Variants in CTNNA3 observed in about 807,000 individuals in gnomAD.
The protein encoded by CTNNA3 is catenin alpha 3.
CTNNA3 carries 76 observed loss-of-function variants against 95.7 expected under a neutral mutation model. The ratio of observed to expected loss-of-function variants is 0.79; its 90% CI spans 0.66 to 0.96. The LOEUF (loss-of-function observed/expected upper bound fraction) is 0.96, where lower values mean the gene tolerates loss of function less well. Among genes scored for constraint, CTNNA3 ranks in the 40% least tolerant of loss-of-function variants. The pLI, the probability that CTNNA3 is intolerant of heterozygous loss-of-function variation, is 0.00. For synonymous variants in CTNNA3, 431 were observed against 374.4 expected, an observed-to-expected ratio of 1.15 and a Z score of -1.74; for missense variants, 1,191 against 1,089.8, an observed-to-expected ratio of 1.09 and a Z score of -1.31.
intron 9 of CTNNA3, among the ~76,000 whole-genome samples, chr10:66,671,056 G>A (rs1846642015): frequency 6.6e-6 from 1 of 152,142 alleles, no homozygotes; most frequent in African/African-American, 2.4e-5. Flanking sequence ...TTTAAACAAA[G>A]GAGAGAGGAT....
At chr10:66,430,782 C>T (rs538529416) in intron 11 of CTNNA3, among the ~76,000 whole-genome samples, 1 of 152,244 alleles carries the variant, frequency 6.6e-6, no homozygotes, top group African/African-American at 2.4e-5. Flanking sequence ...AAATGTCAGA[C>T]CTAAAACCAT....
intron 7 of CTNNA3, among the ~76,000 whole-genome samples, chr10:67,048,224 T>A (rs1189609674): frequency 1.3e-5 from 2 of 152,084 alleles, no homozygotes; most frequent in African/African-American, 4.8e-5. Flanking sequence ...ACCCTACTCA[T>A]GAAAAATCAT....
At chr10:66,120,866 T>C (rs1455834978) in intron 13 of CTNNA3, among the ~76,000 whole-genome samples, 2 of 152,080 alleles carry the variant, frequency 1.3e-5, no homozygotes, top group Non-Finnish European at 2.9e-5. Flanking sequence ...GCAGGAGAGA[T>C]CTGAAATGAC....
chr10:66,609,559 T>G (rs932607173), intron 10 of CTNNA3, among the ~76,000 whole-genome samples: 1 of 151,536 alleles, frequency 6.6e-6, no homozygotes, highest in Non-Finnish European at 1.5e-5. Flanking sequence ...AAATGCTATC[T>G]CACACCAGTC....
chr10:66,527,133 G>A (rs535079330), intron 10 of CTNNA3, among the ~76,000 whole-genome samples: 7 of 152,048 alleles, frequency 4.6e-5, no homozygotes, highest in Non-Finnish European at 1.0e-4. Context: ...AACTTCATTC[G>A]TTGCCATGTA....
At position 66,639,120 on chromosome 10, in the gene CTNNA3, A is replaced by C. The variant is rs1450634039; in HGVS notation, c.1282-17336T>G. ...ATAGAATATTTTGCTATAATGCAGT[A>C]AGTGTACCTGAAATCACTGTTTTGG... On this transcript the variant is annotated intron_variant, in intron 9 of 17. Coordinates refer to ENST00000433211, the MANE Select transcript of CTNNA3 (RefSeq NM_013266.4). Among the ~76,000 whole-genome samples the C allele has an allele frequency of 2.0e-5, 3 of 152,156 alleles. No homozygotes were observed. The South Asian group carries it at 6.2e-4, about 32-fold the overall frequency.
chr10:67,687,057 T>G (rs1258808538), intron 1 of CTNNA3, among the ~76,000 whole-genome samples: 1 of 152,036 alleles, frequency 6.6e-6, no homozygotes, highest in Non-Finnish European at 1.5e-5. Flanking sequence ...ACTGAGGAGG[T>G]GGGAGAAATA....
intron 6 of CTNNA3, among the ~76,000 whole-genome samples, chr10:67,185,348 G>A (rs908741286): frequency 2.6e-5 from 4 of 151,862 alleles, no homozygotes; most frequent in South Asian, 2.1e-4. Context: ...GGATGGTCTC[G>A]ATCTCTTGAC....
intron 13 of CTNNA3, among the ~76,000 whole-genome samples, chr10:66,188,480 G>T (rs954297657): frequency 2.0e-5 from 3 of 148,800 alleles, no homozygotes; most frequent in Non-Finnish European, 4.5e-5. Flanking sequence ...GGTGATATTT[G>T]TCTTTTTGCA....
At chr10:66,922,292 G>T (rs985941975) in intron 7 of CTNNA3, among the ~76,000 whole-genome samples, 12 of 152,192 alleles carry the variant, frequency 7.9e-5, no homozygotes, top group Non-Finnish European at 1.5e-4. Context: ...ATATAATTTT[G>T]CTTCTGCTGA....
intron 15 of CTNNA3, among the ~76,000 whole-genome samples, chr10:66,025,359 C>G (rs565319858): frequency 6.6e-6 from 1 of 152,296 alleles, no homozygotes; most frequent in East Asian, 1.9e-4. Context: ...ACAGGGGAAG[C>G]TTGGGAAACA....
chr10:67,265,316 T>C (rs1351867886), intron 5 of CTNNA3, among the ~76,000 whole-genome samples: 1 of 152,198 alleles, frequency 6.6e-6, no homozygotes, highest in Non-Finnish European at 1.5e-5. Flanking sequence ...ATTATACTTT[T>C]TTTATATCTT....
chr10:66,917,850 CACTG>C (rs1194430536), intron 7 of CTNNA3, among the ~76,000 whole-genome samples: 5 of 152,320 alleles, frequency 3.3e-5, no homozygotes, highest in African/African-American at 9.6e-5. Flanking sequence ...ATTTAAAGAA[CACTG>C]ACTGACTTTA....
intron 11 of CTNNA3, among the ~76,000 whole-genome samples, chr10:66,482,891 AAGG>A (rs1307010759): frequency 6.6e-6 from 1 of 152,126 alleles, no homozygotes; most frequent in Admixed American, 6.6e-5. Flanking sequence ...TGTGGGAATT[AAGG>A]AGGAGGGCCT....
chr10:67,083,700 G>C (rs1028629734), intron 7 of CTNNA3, among the ~76,000 whole-genome samples: 4 of 152,024 alleles, frequency 2.6e-5, no homozygotes, highest in Admixed American at 6.6e-5. Flanking sequence ...ATACATATAT[G>C]TCTCAGTTTC....
chr10:67,115,380 C>G lies in CTNNA3; in HGVS notation c.1047+64937G>C, dbSNP rs141052039. ...CGAGGGATACCATTAGGAGATATAC[C>G]TAATGCTAAATGATGAGTTAATGGG... On this transcript the variant is annotated intron_variant, in intron 7 of 17. Coordinates refer to ENST00000433211, the MANE Select transcript of CTNNA3 (RefSeq NM_013266.4). Among the ~76,000 whole-genome samples the G allele has an allele frequency of 0.01, 1,538 of 151,778 alleles. 70 individuals carry two copies. The East Asian group carries it at 0.13, about 13-fold the overall frequency.
At chr10:67,044,650 G>T (rs1479138407) in intron 7 of CTNNA3, among the ~76,000 whole-genome samples, 1 of 152,116 alleles carries the variant, frequency 6.6e-6, no homozygotes, top group Non-Finnish European at 1.5e-5. Context: ...TTTGTGAAAT[G>T]AATACAAAAG....
At chr10:66,332,375 T>C (rs1331807536) in intron 12 of CTNNA3, among the ~76,000 whole-genome samples, 1 of 150,780 alleles carries the variant, frequency 6.6e-6, no homozygotes, top group African/African-American at 2.4e-5. Flanking sequence ...TGATATTGGC[T>C]GTGGGTTTGT....
At chr10:66,849,769 C>T (rs925763970) in intron 7 of CTNNA3, among the ~76,000 whole-genome samples, 1 of 152,096 alleles carries the variant, frequency 6.6e-6, no homozygotes, top group Non-Finnish European at 1.5e-5. Context: ...TTCAGACTTC[C>T]GGCCTCCAAA....
Sources: gnomAD v4.1 joint callset for allele counts (sites outside exome capture counted in the v4.1 genomes callset) on GRCh38, gnomAD v4.1.1 for gene constraint, MANE v1.5 for transcripts, NCBI Gene and HGNC (gene_info 2026-07-23, HGNC 2026-07-21) for gene names.